The following SLC39A12 variants were observed in gnomAD, a reference collection of about 807,000 sequenced individuals.
SLC39A12 encodes solute carrier family 39 member 12.
A neutral mutation model predicts 71.1 loss-of-function variants in SLC39A12; 63 were observed. The ratio of observed to expected loss-of-function variants is 0.89; its 90% CI spans 0.72 to 1.09. The LOEUF (loss-of-function observed/expected upper bound fraction) is 1.09, where lower values mean the gene tolerates loss of function less well. Ranked by LOEUF, SLC39A12 falls within the 50% of genes least tolerant of loss-of-function variation. The pLI is 0.00. For synonymous variants in SLC39A12, 351 were observed against 301.3 expected, an observed-to-expected ratio of 1.16 and a Z score of -1.71; for missense variants, 892 against 812.6, an observed-to-expected ratio of 1.10 and a Z score of -1.19.
At chr10:18,005,208 C>A (rs1193132439) in intron 12 of SLC39A12, among the ~76,000 whole-genome samples, 1 of 151,944 alleles carries the variant, frequency 6.6e-6, no homozygotes, top group Non-Finnish European at 1.5e-5. Context: ...TGCATATGTA[C>A]CCCGGAACTT....
At chr10:18,005,088 T>C (rs1345961485) in intron 12 of SLC39A12, among the ~76,000 whole-genome samples, 1 of 65,830 alleles carries the variant, frequency 1.5e-5, no homozygotes, top group Non-Finnish European at 3.1e-5. Context: ...AGGGTGGGGG[T>C]GGGGAGAGCA....
At chr10:18,029,349 C>A (rs2497778) in intron 12 of SLC39A12, among the ~76,000 whole-genome samples, 90,361 of 151,984 alleles carry the variant, frequency 0.59, 27,978 homozygotes, top group Non-Finnish European at 0.69. Flanking sequence ...ATGATTCACA[C>A]TTGAAAAAAG....
chr10:17,953,631 G>T, intron 2 of SLC39A12, 94 bp downstream of exon 2: 2 of 1,411,964 alleles, frequency 1.4e-6, no homozygotes, highest in East Asian at 2.4e-5. Flanking sequence ...AAAATCACAG[G>T]CAAATCTTCC....
At chr10:17,989,506 C>A (rs185138741) in intron 7 of SLC39A12, among the ~76,000 whole-genome samples, 3 of 152,328 alleles carry the variant, frequency 2.0e-5, no homozygotes, top group Admixed American at 2.0e-4. Context: ...GAGTCTCCCC[C>A]AGTGAGGGAG....
chr10:18,010,961 A>G (rs1418550209), intron 12 of SLC39A12, among the ~76,000 whole-genome samples: 2 of 151,964 alleles, frequency 1.3e-5, no homozygotes, highest in African/African-American at 2.4e-5. Context: ...CTAATAGTAA[A>G]TGTATTTCTC....
chr10:17,954,863 T>C (rs1359578446), intron 2 of SLC39A12, among the ~76,000 whole-genome samples: 3 of 152,220 alleles, frequency 2.0e-5, no homozygotes, highest in Admixed American at 6.5e-5. Flanking sequence ...CCAAGTGTTT[T>C]GTTTTTTCAT....
intron 10 of SLC39A12, among the ~76,000 whole-genome samples, chr10:17,999,518 T>C (rs1435458304): frequency 6.6e-6 from 1 of 152,162 alleles, no homozygotes; most frequent in Non-Finnish European, 1.5e-5. Flanking sequence ...TTGTGAGTCG[T>C]TCAACTCTAC....
chr10:17,991,274 T>G lies in SLC39A12; in HGVS notation c.1393T>G (p.Phe465Val), dbSNP rs752234579. 8.1e-6 allele frequency: 13 copies of G among 1,595,618 alleles called. No individual in the cohort carries two copies. Among genetic ancestry groups the G allele is most frequent in the Non-Finnish European group, 1.1e-5 (13 of 1,174,486 alleles). The change falls in exon 8 of 13, where the codon TTT (phenylalanine) becomes GTT (valine). Residue 465 changes from phenylalanine to valine, a missense_variant. Physicochemically the swap from Phe to Val is conservative, Grantham distance 50. Transcript: ENST00000377369. Reference sequence around the variant, plus strand: ...TGGATTTTTCTTGATAGAAAAATGTTTTATTCTTCTTGTATCACCAAATGA... The same window carrying G: ...TGGATTTTTCTTGATAGAAAAATGTGTTATTCTTCTTGTATCACCAAATGA... Reference protein sequence around the residue: ...IHGFFLIEKCFILLVSPNDKQ... With the variant: ...IHGFFLIEKCVILLVSPNDKQ...
At chr10:18,010,652 A>T (rs1032834704) in intron 12 of SLC39A12, 1 of 152,184 alleles carries the variant, frequency 6.6e-6, no homozygotes, top group African/African-American at 2.4e-5. Context: ...TCTCTCTATA[A>T]TTAAAAGAAA....
intron 7 of SLC39A12, among the ~76,000 whole-genome samples, chr10:17,989,673 C>T (rs540775957): frequency 2.7e-4 from 41 of 152,190 alleles, no homozygotes; most frequent in African/African-American, 9.2e-4. Flanking sequence ...AATCCCAGCA[C>T]TTTGGGAGGG....
intron 3 of SLC39A12, among the ~76,000 whole-genome samples, chr10:17,964,221 C>G (rs1463953593): frequency 6.6e-6 from 1 of 152,224 alleles, no homozygotes; most frequent in Non-Finnish European, 1.5e-5. Flanking sequence ...GAAGTTCAAA[C>G]TCTGTTATTT....
chr10:18,012,037 G>T (rs1338781397), intron 12 of SLC39A12, among the ~76,000 whole-genome samples: 2 of 152,152 alleles, frequency 1.3e-5, no homozygotes, highest in Non-Finnish European at 2.9e-5. Context: ...GCTATGTTAA[G>T]TTGTTTATTG....
intron 12 of SLC39A12, among the ~76,000 whole-genome samples, chr10:18,027,781 T>C (rs1836720060): frequency 6.6e-6 from 1 of 152,238 alleles, no homozygotes. Flanking sequence ...TCAGCTTTAC[T>C]TGTTAGGACA....
intron 12 of SLC39A12, among the ~76,000 whole-genome samples, chr10:18,030,796 C>A (rs955688053): frequency 1.8e-5 from 2 of 114,000 alleles, no homozygotes; most frequent in African/African-American, 3.3e-5. Context: ...CCCCCTCCCC[C>A]CTCCCCCCAC....
chr10:17,965,250 T>C (rs1834794890), intron 3 of SLC39A12, among the ~76,000 whole-genome samples: 1 of 151,556 alleles, frequency 6.6e-6, no homozygotes, highest in African/African-American at 2.4e-5. Context: ...GCTGGATAAA[T>C]AAGGACCAGT....
At chr10:18,012,946 G>A (rs1421383393) in intron 12 of SLC39A12, among the ~76,000 whole-genome samples, 5 of 151,252 alleles carry the variant, frequency 3.3e-5, no homozygotes, top group African/African-American at 4.9e-5. Flanking sequence ...GAGGACATGA[G>A]AGCTGAGTTT....
intron 12 of SLC39A12, among the ~76,000 whole-genome samples, chr10:18,009,445 A>G (rs1274818512): frequency 6.6e-6 from 1 of 152,144 alleles, no homozygotes; most frequent in Non-Finnish European, 1.5e-5. Flanking sequence ...GAAATATCCA[A>G]TTTCAAACCC....
At position 17,991,140 on chromosome 10, in the gene SLC39A12, T is replaced by C. The variant is rs1250488931; in HGVS notation, c.1270-11T>C. On this transcript the variant is annotated splice_polypyrimidine_tract_variant and intron_variant, in intron 7 of 12. Coordinates refer to ENST00000377369, the MANE Select transcript of SLC39A12 (RefSeq NM_001145195.2). Reference sequence around the variant, plus strand: ...TTCTCTCTGCCTTTTTTTTTTTTTTTTCCCCTGAAGGTTCTTGGTTTACAT... The same window carrying C: ...TTCTCTCTGCCTTTTTTTTTTTTTTCTCCCCTGAAGGTTCTTGGTTTACAT... The C allele has an allele frequency of 2.0e-6, 3 of 1,534,116 alleles. No individual in the cohort carries two copies. The highest frequency in any genetic ancestry group is 4.9e-5 in the Admixed American group (2 of 40,700).
In SLC39A12 at chr10:17,978,058, C is replaced by T; in HGVS notation, c.908C>T (p.Pro303Leu). ...SSMEKESEDGPVSWDQTCFSA... is the reference protein window; with the variant it reads ...SSMEKESEDGLVSWDQTCFSA... ...ATGGAAAAAGAGTCTGAGGATGGTC[C>T]AGTTTCCTGGGATCAGGTATTGCCA... is the stretch of plus-strand genomic sequence containing the variant. Residue 303 changes from proline (P) to leucine (L), a missense_variant, in exon 5 of 13, where the codon CCA becomes CTA. Transcript: ENST00000377369. The T allele has an allele frequency of 6.3e-7, 1 of 1,597,094 alleles. No homozygotes were observed. Among genetic ancestry groups the T allele is most frequent in the Non-Finnish European group, 8.5e-7 (1 of 1,173,760 alleles).
Sources: allele counts gnomAD v4.1 joint callset (sites outside exome capture counted in the v4.1 genomes callset), GRCh38; gene constraint gnomAD v4.1.1; transcripts MANE v1.5; gene names NCBI Gene and HGNC (gene_info 2026-07-23, HGNC 2026-07-21).